DNAJB11: variants seen among roughly 807,000 people sequenced by gnomAD.
DNAJB11 encodes dnaJ homolog subfamily B member 11.
A neutral mutation model predicts 47.2 loss-of-function variants in DNAJB11; 30 were observed. The observed-to-expected ratio is 0.64, with a 90% confidence interval of 0.48 to 0.86. The LOEUF (loss-of-function observed/expected upper bound fraction) is 0.86. DNAJB11 is among the 40% of genes least tolerant of loss of function. DNAJB11 has a pLI of 0.00. For synonymous variants in DNAJB11, 151 were observed against 159.9 expected (o/e 0.94, Z 0.42); for missense variants, 357 against 440.2 (o/e 0.81, Z 1.69).
intron 3 of DNAJB11, among the ~76,000 whole-genome samples, chr3:186,576,840 C>T (rs1715316558): frequency 6.6e-6 from 1 of 152,150 alleles, no homozygotes; most frequent in Non-Finnish European, 1.5e-5. Context: ...TCCCCAGCCC[C>T]CACCCTGTTC....
At chr3:186,571,005 CA>C in intron 1 of DNAJB11, 40 bp downstream of exon 1, 1 of 1,307,598 alleles carries the variant, frequency 7.6e-7, no homozygotes, top group Non-Finnish European at 1.0e-6. Context: ...GCCTGTGGGT[CA>C]GCCTTTGCTG....
At chr3:186,583,564 A>T (rs1341294355) in intron 7 of DNAJB11, among the ~76,000 whole-genome samples, 1 of 152,236 alleles carries the variant, frequency 6.6e-6, no homozygotes, top group East Asian at 1.9e-4. Context: ...CCAGCTCAGG[A>T]AAACTTCTGT....
At chr3:186,578,578 G>T (rs999487983) in intron 4 of DNAJB11, 15 of 151,960 alleles carry the variant, frequency 9.9e-5, no homozygotes, top group Non-Finnish European at 2.2e-4. Flanking sequence ...TCATCAAATG[G>T]GTATAAAATA....
intron 4 of DNAJB11, chr3:186,580,932 G>A (rs1347508604): frequency 6.5e-6 from 1 of 152,944 alleles, no homozygotes; most frequent in Non-Finnish European, 1.5e-5. Context: ...GACATTTTCA[G>A]TAGGTTAACC....
intron 1 of DNAJB11, among the ~76,000 whole-genome samples, chr3:186,571,747 T>A (rs1222487922): frequency 6.6e-6 from 1 of 151,966 alleles, no homozygotes; most frequent in Non-Finnish European, 1.5e-5. Context: ...GGGGGAAGAG[T>A]TAATTTGATT....
chr3:186,573,917 A>G (rs1026091217), intron 2 of DNAJB11, among the ~76,000 whole-genome samples: 1 of 152,202 alleles, frequency 6.6e-6, no homozygotes, highest in Non-Finnish European at 1.5e-5. Flanking sequence ...TTTATCAATG[A>G]CCTAGGCAGG....
chr3:186,584,409 A>ACATTCC, intron 8 of DNAJB11, 21 bp from the exon 9 acceptor site: 1 of 1,533,686 alleles, frequency 6.5e-7, no homozygotes, highest in East Asian at 2.3e-5. Context: ...CTGCTGCAGT[A>ACATTCC]CATTCCCTTT....
At position 186,575,862 on chromosome 3, in the gene DNAJB11, G is replaced by A. The variant is rs886852780; in HGVS notation, c.248G>A (p.Arg83Gln). Residue 83 changes from arginine (R) to glutamine (Q), a missense_variant, in exon 3 of 10, where the codon CGG (arginine) becomes CAG (glutamine). Physicochemically the swap from Arg to Gln is conservative, Grantham distance 43. Transcript: ENST00000265028. ...CAGGTTCTGTCAGATAGTGAGAAAC[G>A]GAAACAGTACGATACTTATGGTGAA... ...AYEVLSDSEKRKQYDTYGEEG... is the reference protein window; with the variant it reads ...AYEVLSDSEKQKQYDTYGEEG... The A allele has an allele frequency of 3.1e-6, 5 of 1,613,268 alleles. No homozygotes were observed. The highest frequency in any genetic ancestry group is 2.7e-5 in the African/African-American group (2 of 74,880).
At chr3:186,578,550 A>G (rs1715377103) in intron 4 of DNAJB11, 1 of 152,236 alleles carries the variant, frequency 6.6e-6, no homozygotes, top group Non-Finnish European at 1.5e-5. Context: ...TGGAATTATT[A>G]GACTTCTTAA....
At chr3:186,581,904 G>A (rs1457705514) in intron 5 of DNAJB11, 91 bp from the exon 6 acceptor site, 1 of 1,063,696 alleles carries the variant, frequency 9.4e-7, no homozygotes, top group African/African-American at 1.6e-5. Context: ...CCAAGAAAAA[G>A]CTCTGATAAA....
chr3:186,577,774 G>C lies in DNAJB11; in HGVS notation c.430G>C (p.Glu144Gln), dbSNP rs1273228187. The change falls in exon 4 of 10, where the codon GAA becomes CAA. Residue 144 changes from glutamate to glutamine, a missense_variant. By Grantham distance (29) the Glu-to-Gln change is conservative. Coordinates refer to ENST00000265028, the MANE Select transcript of DNAJB11 (RefSeq NM_016306.6). ...TGTAGATCTAGAAGTCACTTTGGAA[G>C]AAGTATATGCAGGAAATTTTGTGGA... is the stretch of plus-strand genomic sequence containing the variant. ...IIVDLEVTLEEVYAGNFVEVV... is the reference protein window; with the variant it reads ...IIVDLEVTLEQVYAGNFVEVV... 1 of 1,605,786 alleles carries C rather than the reference G, an allele frequency of 6.2e-7. No homozygotes were observed. Among genetic ancestry groups the C allele is most frequent in the Non-Finnish European group, 8.5e-7 (1 of 1,176,976 alleles).
At chr3:186,584,338 C>A in intron 8 of DNAJB11, 92 bp from the exon 9 acceptor site, 1 of 1,271,836 alleles carries the variant, frequency 7.9e-7, no homozygotes, top group Non-Finnish European at 1.1e-6. Context: ...TGAGCTGTGA[C>A]ATTAGCTTTG....
chr3:186,580,632 G>C (rs1263922256), intron 4 of DNAJB11: 4 of 152,330 alleles, frequency 2.6e-5, no homozygotes, highest in African/African-American at 9.6e-5. Context: ...AATTTACTCT[G>C]TTGACCTGGG....
intron 1 of DNAJB11, among the ~76,000 whole-genome samples, chr3:186,571,857 A>C (rs1235422753): frequency 6.6e-6 from 1 of 152,232 alleles, no homozygotes; most frequent in Non-Finnish European, 1.5e-5. Context: ...GATGTTTTGA[A>C]TAATCCGAAA....
rs1489490143 is a variant in DNAJB11 at position 186,585,703 on chromosome 3, AAC to A, written c.*299_*300del. On this transcript the variant is annotated 3_prime_UTR_variant, in exon 10 of 10. Coordinates refer to ENST00000265028, the MANE Select transcript of DNAJB11 (RefSeq NM_016306.6). ...GCAAGAGGACTCCAGGAGCAAAAGA[AAC>A]ACAATATAGAGGGTTGGAGTTGTTA... The A allele has an allele frequency of 4.9e-6, 1 of 204,390 alleles. No individual in the cohort carries two copies. Among genetic ancestry groups the A allele is most frequent in the Non-Finnish European group, 9.9e-6 (1 of 100,738 alleles). 12.7% of individuals were successfully genotyped at this position (204,390 alleles called of 1,614,324 possible). A position where few individuals can be genotyped will look rare whatever the true frequency, so the allele number is the denominator to read the frequency against.
rs899175409 is a variant in DNAJB11, at chr3:186,578,019, T to A, written c.456+219T>A. 6 of 319,582 alleles carry A rather than the reference T, an allele frequency of 1.9e-5. No homozygotes were observed. In the Middle Eastern group the frequency reaches 2.6e-3, roughly 140 times the overall value. 19.8% of individuals were successfully genotyped at this position (319,582 alleles called of 1,614,324 possible). A position where few individuals can be genotyped will look rare whatever the true frequency, so the allele number is the denominator to read the frequency against. ...TAAGTAAAACATTACCATGACTTAA[T>A]CTACCTACATGCTACTTCCCTGTTC... On this transcript the variant is annotated intron_variant, in intron 4 of 9. Transcript: ENST00000265028.
In DNAJB11 at chr3:186,577,802, T is replaced by A. The variant is rs1260579066; in HGVS notation, c.456+2T>A. 1 of 1,598,760 alleles carries A rather than the reference T, an allele frequency of 6.3e-7. No homozygotes were observed. The highest frequency in any genetic ancestry group is 1.8e-5 in the Admixed American group (1 of 56,568). On this transcript the variant is annotated splice_donor_variant, in intron 4 of 9. Coordinates refer to ENST00000265028, the MANE Select transcript of DNAJB11 (RefSeq NM_016306.6). LOFTEE classifies it high-confidence loss of function. ...GTATATGCAGGAAATTTTGTGGAAG[T>A]AAGTTCAAACAATATAGCTGTTCAT... is the stretch of plus-strand genomic sequence containing the variant.
Position 186,577,783 on chromosome 3 carries a change from G to A in DNAJB11, c.439G>A (p.Ala147Thr), listed in dbSNP as rs760416163. ...DLEVTLEEVYAGNFVEVVRNK... is the reference protein window; with the variant it reads ...DLEVTLEEVYTGNFVEVVRNK... ...AGAAGTCACTTTGGAAGAAGTATAT[G>A]CAGGAAATTTTGTGGAAGTAAGTTC... is the stretch of plus-strand genomic sequence containing the variant. Residue 147 changes from alanine (A) to threonine (T), a missense_variant, in exon 4 of 10, where the codon GCA becomes ACA. Ala to Thr is a moderately conservative substitution (Grantham distance 58). Transcript: ENST00000265028. 2.5e-6 allele frequency: 4 copies of A among 1,600,718 alleles called. No individual in the cohort carries two copies. The African/African-American group carries it at 5.4e-5, about 22-fold the overall frequency.
chr3:186,585,249 G>A lies in DNAJB11; in HGVS notation c.1013-95G>A, dbSNP rs972365033. 21 of 924,304 alleles carry A rather than the reference G, an allele frequency of 2.3e-5. No individual in the cohort carries two copies. In the African/African-American group the frequency reaches 3.4e-4, roughly 15 times the overall value. The allele number at this position is 924,304 out of a possible 1,614,324, so 57.3% of individuals were successfully genotyped here. On this transcript the variant is annotated intron_variant, in intron 9 of 9. Coordinates refer to ENST00000265028, the MANE Select transcript of DNAJB11 (RefSeq NM_016306.6). ...TAATTCACATCCATGTTTGTCATAA[G>A]GCCTTTTATGAGCTTTTTCTTGAAA...
Sources: gnomAD v4.1 joint callset for allele counts (sites outside exome capture counted in the v4.1 genomes callset) on GRCh38, gnomAD v4.1.1 for gene constraint, MANE v1.5 for transcripts, NCBI Gene and HGNC (gene_info 2026-07-23, HGNC 2026-07-21) for gene names.